The following CDC45 variants were observed in gnomAD, a reference collection of about 807,000 sequenced individuals.
The protein encoded by CDC45 is cell division cycle 45, also known as cell division control protein 45 homolog.
Under a neutral mutation model 77.8 loss-of-function variants are expected in CDC45, and 54 were observed. The observed-to-expected ratio is 0.69, with a 90% CI of 0.56 to 0.87. The LOEUF (loss-of-function observed/expected upper bound fraction) is 0.87. Ranked by LOEUF, CDC45 falls within the 40% of genes least tolerant of loss-of-function variation. The probability of loss-of-function intolerance (pLI) is 0.00; values close to 1 mark genes in which losing one functional copy is unlikely to be tolerated. For missense variants in CDC45, 649 were observed against 721.6 expected (o/e 0.90, Z 1.15); for synonymous variants, 260 against 272.1 (o/e 0.96, Z 0.44).
intron 5 of CDC45, among the ~76,000 whole-genome samples, chr22:19,489,438 C>T (rs2090121797): frequency 1.3e-5 from 2 of 152,068 alleles, no homozygotes; most frequent in Admixed American, 1.3e-4. Context: ...TAGAGAGCTC[C>T]ATTTCTGTAA....
At chr22:19,507,739 CAT>C (rs963943587) in intron 11 of CDC45, 25 bp from the exon 12 acceptor site, 1 of 1,542,762 alleles carries the variant, frequency 6.5e-7, no homozygotes, top group Non-Finnish European at 8.8e-7. Flanking sequence ...TGACCTCACT[CAT>C]GTGGCTTGGG....
At position 19,519,975 on chromosome 22, in the gene CDC45, C is replaced by G. The variant is rs372738285; in HGVS notation, c.*2-506C>G. Among the ~76,000 whole-genome samples the G allele has an allele frequency of 1.2e-4, 18 of 152,370 alleles. No homozygotes were observed. The South Asian group carries it at 3.7e-3, about 32-fold the overall frequency. On this transcript the variant is annotated intron_variant, in intron 18 of 18. Coordinates refer to ENST00000263201, the MANE Select transcript of CDC45 (RefSeq NM_003504.5). Reference sequence around the variant, plus strand: ...TCCTCATCCAAAAATGGGGCCCACTCTCTCCTTAGACGATGAGTGTGAGCA... The same window carrying G: ...TCCTCATCCAAAAATGGGGCCCACTGTCTCCTTAGACGATGAGTGTGAGCA...
intron 3 of CDC45, among the ~76,000 whole-genome samples, chr22:19,481,699 C>A (rs749475432): frequency 2.2e-4 from 33 of 151,030 alleles, no homozygotes; most frequent in Non-Finnish European, 4.6e-4. Context: ...TGAGACGGAA[C>A]CTCGCTTTGT....
chr22:19,490,588 C>T (rs2090139680), intron 5 of CDC45, among the ~76,000 whole-genome samples: 1 of 151,958 alleles, frequency 6.6e-6, no homozygotes, highest in Non-Finnish European at 1.5e-5. Context: ...GTTGGGCAGG[C>T]TGGCCTCAAA....
chr22:19,508,465 G>A, intron 12 of CDC45, 65 bp from the exon 13 acceptor site: 1 of 1,554,700 alleles, frequency 6.4e-7, no homozygotes, highest in Non-Finnish European at 8.9e-7. Flanking sequence ...ACATCTGTTG[G>A]CCTGCCTGGC....
intron 5 of CDC45, among the ~76,000 whole-genome samples, chr22:19,491,377 G>A (rs752301144): frequency 1.3e-5 from 2 of 150,384 alleles, no homozygotes; most frequent in Non-Finnish European, 1.5e-5. Flanking sequence ...CCGTTCCTTT[G>A]GGGGAGAGCT....
At chr22:19,480,303 A>G (rs1601913723) in intron 2 of CDC45, 86 bp downstream of exon 2, 4 of 1,250,472 alleles carry the variant, frequency 3.2e-6, no homozygotes, top group Non-Finnish European at 4.7e-6. Context: ...GAGTGTCAGG[A>G]TGGGTGCTGA....
chr22:19,496,923 G>C (rs2090252886), intron 7 of CDC45, among the ~76,000 whole-genome samples: 1 of 152,160 alleles, frequency 6.6e-6, no homozygotes, highest in Non-Finnish European at 1.5e-5. Flanking sequence ...TGGACCCAGG[G>C]CTCTGCCTCA....
chr22:19,505,161 C>A, intron 9 of CDC45: 1 of 599,564 alleles, frequency 1.7e-6, no homozygotes, highest in Non-Finnish European at 2.9e-6. Flanking sequence ...CTAGAGACCA[C>A]ACCCCCCCGC....
intron 13 of CDC45, among the ~76,000 whole-genome samples, chr22:19,512,061 G>A (rs1033036533): frequency 1.3e-5 from 2 of 151,664 alleles, no homozygotes; most frequent in African/African-American, 4.8e-5. Flanking sequence ...GCTAATTTTT[G>A]TATTTTTTGT....
chr22:19,505,431 T>A lies in CDC45; in HGVS notation c.774T>A (p.Asp258Glu). The A allele has an allele frequency of 6.2e-7, 1 of 1,613,988 alleles. No homozygotes were observed. Residue 258 changes from aspartate to glutamate, a missense_variant, in exon 10 of 19, where the codon GAT becomes GAA. Asp to Glu is a conservative substitution (Grantham distance 45, BLOSUM62 2). Coordinates refer to ENST00000263201, the MANE Select transcript of CDC45 (RefSeq NM_003504.5). ...HVSRHNHRNE[D>E]EENTLSVDCT... ...CCCGCCACAACCACCGGAACGAGGATGAGGAGAACACACTCTCCGTGGACT... is the reference window on the plus strand; with the variant it reads ...CCCGCCACAACCACCGGAACGAGGAAGAGGAGAACACACTCTCCGTGGACT...
intron 7 of CDC45, among the ~76,000 whole-genome samples, chr22:19,496,964 G>A (rs1271347202): frequency 2.0e-5 from 3 of 152,046 alleles, no homozygotes; most frequent in Admixed American, 1.3e-4. Context: ...GTTTGAGGAC[G>A]CCAGCCAAGC....
intron 5 of CDC45, among the ~76,000 whole-genome samples, chr22:19,484,508 C>T (rs1046553220): frequency 7.9e-5 from 12 of 152,182 alleles, no homozygotes; most frequent in African/African-American, 2.9e-4. Context: ...TGGGGCTGGG[C>T]CCAGTGGCCT....
chr22:19,491,895 C>T (rs1406085729), intron 5 of CDC45, among the ~76,000 whole-genome samples: 2 of 151,920 alleles, frequency 1.3e-5, no homozygotes, highest in Admixed American at 6.6e-5. Flanking sequence ...CAACCTCTGC[C>T]TCCTGGGTTC....
At chr22:19,494,749 G>A in intron 6 of CDC45, 2 of 704,848 alleles carry the variant, frequency 2.8e-6, no homozygotes, top group East Asian at 2.7e-5. Flanking sequence ...AAGTGAGCAT[G>A]CAGCAGCGCC....
chr22:19,479,662 A>G, upstream of CDC45: 1 of 677,466 alleles, frequency 1.5e-6, no homozygotes, highest in Non-Finnish European at 2.8e-6. Context: ...CAAAGTAAAG[A>G]TGTCCGCCCA....
intron 15 of CDC45, among the ~76,000 whole-genome samples, chr22:19,515,414 T>G (rs1933729899): frequency 6.6e-6 from 1 of 152,166 alleles, no homozygotes; most frequent in South Asian, 2.1e-4. Flanking sequence ...TGTGCCTGGC[T>G]TTGTCTTCTG....
intron 5 of CDC45, among the ~76,000 whole-genome samples, chr22:19,492,652 T>C (rs1237239307): frequency 6.6e-6 from 1 of 152,184 alleles, no homozygotes; most frequent in East Asian, 1.9e-4. Flanking sequence ...TCCTAGTTCT[T>C]GGTATGATGA....
intron 9 of CDC45, among the ~76,000 whole-genome samples, chr22:19,501,185 A>T (rs1932889829): frequency 6.6e-6 from 1 of 152,120 alleles, no homozygotes; most frequent in Non-Finnish European, 1.5e-5. Flanking sequence ...GTCTCAAAAA[A>T]AAACAAACCA....
Sources: gnomAD v4.1 joint callset for allele counts (sites outside exome capture counted in the v4.1 genomes callset) on GRCh38, gnomAD v4.1.1 for gene constraint, MANE v1.5 for transcripts, NCBI Gene and HGNC (gene_info 2026-07-23, HGNC 2026-07-21) for gene names.